The following ZFAND3 variants were observed in gnomAD, a reference collection of about 807,000 sequenced individuals.
ZFAND3 encodes the protein AN1-type zinc finger protein 3.
In ZFAND3, 10 loss-of-function variants were observed where a neutral mutation model predicts 29.6. The ratio of observed to expected loss-of-function variants is 0.34; its 90% CI spans 0.21 to 0.57. The LOEUF (loss-of-function observed/expected upper bound fraction) is 0.57. Among genes scored for constraint, ZFAND3 ranks in the 20% least tolerant of loss-of-function variants. ZFAND3 has a pLI of 0.86. For synonymous variants in ZFAND3, 128 were observed against 112.6 expected (o/e 1.14, Z -0.87); for missense variants, 230 against 304.5 (o/e 0.76, Z 1.82).
At chr6:38,017,771 C>T (rs1296132444) in intron 2 of ZFAND3, among the ~76,000 whole-genome samples, 1 of 151,456 alleles carries the variant, frequency 6.6e-6, no homozygotes, top group African/African-American at 2.4e-5. Flanking sequence ...TACAGTTTAC[C>T]TTCCTAGGCA....
At chr6:38,085,469 A>G (rs920316021) in intron 4 of ZFAND3, among the ~76,000 whole-genome samples, 1 of 152,242 alleles carries the variant, frequency 6.6e-6, no homozygotes, top group Non-Finnish European at 1.5e-5. Context: ...GCCGTCTCTG[A>G]CAAAGGGCAC....
rs145820764 is a variant in ZFAND3, at chr6:38,111,287, T to C, written c.362-5285T>C. On this transcript the variant is annotated intron_variant, in intron 4 of 5. Transcript: ENST00000287218. The stretch of plus-strand genomic sequence containing the variant: ...TTCAACCAACCATAGACTGAAAATA[T>C]TTGGGAAAAAATGGATGATTGTGTC... Among the ~76,000 whole-genome samples, 1,347 of 152,318 alleles carry C rather than the reference T, an allele frequency of 8.8e-3. 4 individuals are homozygous for C. Among genetic ancestry groups the C allele is most frequent in the Non-Finnish European group, 0.014 (965 of 68,026 alleles).
intron 2 of ZFAND3, among the ~76,000 whole-genome samples, chr6:38,030,061 T>C (rs1295041979): frequency 7.6e-5 from 1 of 13,086 alleles, no homozygotes; most frequent in African/African-American, 1.8e-4. Context: ...GATATATATA[T>C]ATATATATAT....
At chr6:37,968,518 A>G (rs1435567299) in intron 2 of ZFAND3, among the ~76,000 whole-genome samples, 3 of 151,994 alleles carry the variant, frequency 2.0e-5, no homozygotes, top group African/African-American at 7.3e-5. Flanking sequence ...GTGCTGCTCC[A>G]TGGGGAAAAT....
intron 2 of ZFAND3, among the ~76,000 whole-genome samples, chr6:37,961,503 C>T (rs755280686): frequency 7.2e-5 from 11 of 152,192 alleles, no homozygotes; most frequent in African/African-American, 2.4e-4. Flanking sequence ...GGACACTGAG[C>T]GAACAGAGGT....
At chr6:38,106,768 T>G (rs1049373465) in intron 4 of ZFAND3, among the ~76,000 whole-genome samples, 6 of 152,220 alleles carry the variant, frequency 3.9e-5, no homozygotes, top group African/African-American at 1.4e-4. Context: ...ACTACTGTAC[T>G]TAGTTTTGAT....
intron 4 of ZFAND3, among the ~76,000 whole-genome samples, chr6:38,094,762 AT>A (rs1334091222): frequency 6.6e-6 from 1 of 152,112 alleles, no homozygotes; most frequent in African/African-American, 2.4e-5. Flanking sequence ...TACACTTGTA[AT>A]TTTTATATGT....
rs940487746 is a variant in ZFAND3 at position 37,903,915 on chromosome 6, A to C, written c.72-26044A>C. On this transcript the variant is annotated intron_variant, in intron 1 of 5. Coordinates refer to ENST00000287218, the MANE Select transcript of ZFAND3 (RefSeq NM_021943.3). ...GGCAATATGACGAAATTCTGAAATA[A>C]AGGGACAGATTTTCTTTAAAAAGAA... 2.0e-5 allele frequency among the ~76,000 whole-genome samples: 3 copies of C among 152,226 alleles called. No homozygotes were observed. The East Asian group carries it at 5.8e-4, about 29-fold the overall frequency.
intron 1 of ZFAND3, among the ~76,000 whole-genome samples, chr6:37,834,245 G>T (rs144330226): frequency 6.6e-6 from 1 of 151,948 alleles, no homozygotes. Flanking sequence ...CATATTGTTG[G>T]AATCATACAG....
At chr6:37,885,455 C>G (rs1185506640) in intron 1 of ZFAND3, among the ~76,000 whole-genome samples, 2 of 152,072 alleles carry the variant, frequency 1.3e-5, no homozygotes, top group Non-Finnish European at 2.9e-5. Flanking sequence ...ACCAGCCTGG[C>G]CAACATGGTG....
intron 1 of ZFAND3, among the ~76,000 whole-genome samples, chr6:37,887,185 G>A (rs1233474368): frequency 6.6e-6 from 1 of 152,176 alleles, no homozygotes; most frequent in African/African-American, 2.4e-5. Flanking sequence ...GTCATTCTAA[G>A]TATGAATTTT....
chr6:37,900,598 A>C (rs1165918548), intron 1 of ZFAND3, among the ~76,000 whole-genome samples: 1 of 152,196 alleles, frequency 6.6e-6, no homozygotes, highest in African/African-American at 2.4e-5. Context: ...TATTTTGTAA[A>C]GAATACATTA....
At chr6:38,017,231 G>C (rs1425008975) in intron 2 of ZFAND3, among the ~76,000 whole-genome samples, 1 of 152,174 alleles carries the variant, frequency 6.6e-6, no homozygotes, top group East Asian at 1.9e-4. Flanking sequence ...CCAGTGAATT[G>C]ATCATGTGTG....
At chr6:37,926,355 T>G (rs1312737539) in intron 1 of ZFAND3, among the ~76,000 whole-genome samples, 1 of 152,252 alleles carries the variant, frequency 6.6e-6, no homozygotes, top group Non-Finnish European at 1.5e-5. Context: ...AAGGTGGCTC[T>G]GAGGGAGAAT....
chr6:37,996,056 G>A (rs1190233610), intron 2 of ZFAND3, among the ~76,000 whole-genome samples: 3 of 149,408 alleles, frequency 2.0e-5, no homozygotes, highest in Non-Finnish European at 4.5e-5. Context: ...TTGAACCTGG[G>A]AGGCGTAGGT....
chr6:38,143,675 G>C (rs1218482379), intron 5 of ZFAND3, among the ~76,000 whole-genome samples: 1 of 152,208 alleles, frequency 6.6e-6, no homozygotes, highest in Admixed American at 6.5e-5. Flanking sequence ...ACAGACTGAT[G>C]CCCAGCTTGT....
intron 2 of ZFAND3, among the ~76,000 whole-genome samples, chr6:38,047,035 A>T (rs1455649407): frequency 6.6e-6 from 1 of 152,126 alleles, no homozygotes; most frequent in South Asian, 2.1e-4. Context: ...TTGAAATACG[A>T]CTTCTGGCCA....
At chr6:38,120,301 A>T (rs1431748683) in intron 5 of ZFAND3, among the ~76,000 whole-genome samples, 1 of 121,222 alleles carries the variant, frequency 8.2e-6, no homozygotes, top group Non-Finnish European at 1.7e-5. Context: ...ATCTTGATTG[A>T]TACACGTAGC....
At chr6:37,976,645 G>T (rs1210057442) in intron 2 of ZFAND3, among the ~76,000 whole-genome samples, 6 of 151,278 alleles carry the variant, frequency 4.0e-5, no homozygotes, top group East Asian at 1.9e-4. Flanking sequence ...AACAAAAGAG[G>T]TTTAATTGAC....
Sources: allele counts gnomAD v4.1 joint callset (sites outside exome capture counted in the v4.1 genomes callset), GRCh38; gene constraint gnomAD v4.1.1; transcripts MANE v1.5; gene names NCBI Gene and HGNC (gene_info 2026-07-23, HGNC 2026-07-21).